COLGALT2: variants seen among roughly 807,000 people sequenced by gnomAD.
The protein encoded by COLGALT2 is procollagen galactosyltransferase 2.
A neutral mutation model predicts 73.4 loss-of-function variants in COLGALT2; 49 were observed. The ratio of observed to expected loss-of-function variants is 0.67; its 90% CI spans 0.53 to 0.85. COLGALT2 has a LOEUF of 0.85. Among genes scored for constraint, COLGALT2 ranks in the 40% least tolerant of loss-of-function variants. COLGALT2 has a pLI of 0.00. For missense variants in COLGALT2, 722 were observed against 790.2 expected (o/e 0.91, Z 1.03); for synonymous variants, 295 against 307.6 (o/e 0.96, Z 0.43).
exon 12 of COLGALT2, chr1:183,930,111 C>T (rs1020613459): frequency 5.2e-5 from 22 of 422,896 alleles, no homozygotes; most frequent in African/African-American, 1.6e-4. Flanking sequence ...AACCAGTCCC[C>T]GGGCCCGATG....
rs10911476 is a variant in COLGALT2 at position 183,974,572 on chromosome 1, A to G, written c.492+525T>C. 6.0e-3 allele frequency among the ~76,000 whole-genome samples: 921 copies of G among 152,332 alleles called. 7 individuals carry two copies. The highest frequency in any genetic ancestry group is 0.019 in the African/African-American group (792 of 41,574). Reference sequence around the variant, plus strand: ...GATTTGTGTCACAAGTGTGCGTGATACATTTTTGGGCAGATTTTCACTGTG... The same window carrying G: ...GATTTGTGTCACAAGTGTGCGTGATGCATTTTTGGGCAGATTTTCACTGTG... On this transcript the variant is annotated intron_variant, in intron 3 of 11. Transcript: ENST00000361927.
At chr1:184,019,623 A>C (rs1019164392) in intron 1 of COLGALT2, among the ~76,000 whole-genome samples, 1 of 152,230 alleles carries the variant, frequency 6.6e-6, no homozygotes, top group Non-Finnish European at 1.5e-5. Flanking sequence ...TTTTCAGAGG[A>C]ATAACACTCC....
At chr1:183,939,356 C>G (rs1026216139) in intron 11 of COLGALT2, among the ~76,000 whole-genome samples, 1 of 152,170 alleles carries the variant, frequency 6.6e-6, no homozygotes, top group African/African-American at 2.4e-5. Context: ...GATCACTTCA[C>G]CAAAAATGCC....
intron 1 of COLGALT2, among the ~76,000 whole-genome samples, chr1:184,005,838 C>T (rs1051358549): frequency 6.6e-6 from 1 of 152,284 alleles, no homozygotes; most frequent in Admixed American, 6.5e-5. Flanking sequence ...CAACACAAGA[C>T]AGAAAGTGCA....
chr1:183,938,803 C>T lies in COLGALT2; in HGVS notation c.1839G>A (p.Pro613=), dbSNP rs201283338. Residue 613 remains proline, a synonymous_variant, in exon 12 of 12, where the codon CCG becomes CCA. Coordinates refer to ENST00000361927, the MANE Select transcript of COLGALT2 (RefSeq NM_015101.4). ...AAGGCACAGTGTCCAGGGAGGTTGG[C>T]GGTGGCAGGGCCTCTGTGTTCTTGG... ...SNAKNTEALP[P]PTSLDTVPSR... 13 of 1,614,046 alleles carry T rather than the reference C, an allele frequency of 8.1e-6. No individual in the cohort carries two copies. The highest frequency in any genetic ancestry group is 5.5e-5 in the South Asian group (5 of 91,078).
chr1:183,932,809 C>T (rs1669874115), downstream of COLGALT2, among the ~76,000 whole-genome samples: 1 of 152,150 alleles, frequency 6.6e-6, no homozygotes, highest in East Asian at 1.9e-4. Flanking sequence ...GAGAGATCGG[C>T]CACCACACAG....
At chr1:183,963,174 G>A (rs1449732568) in intron 6 of COLGALT2, among the ~76,000 whole-genome samples, 1 of 152,188 alleles carries the variant, frequency 6.6e-6, no homozygotes, top group Non-Finnish European at 1.5e-5. Context: ...CAGACCCAGA[G>A]GCAATAACAA....
At chr1:183,939,655 A>G (rs2996630) in intron 11 of COLGALT2, among the ~76,000 whole-genome samples, 25,188 of 152,228 alleles carry the variant, frequency 0.17, 2,303 homozygotes, top group Admixed American at 0.25. Flanking sequence ...AGTCTCTGAC[A>G]TGTTATATAC....
At chr1:184,015,082 C>T (rs1205892479) in intron 1 of COLGALT2, among the ~76,000 whole-genome samples, 2 of 147,610 alleles carry the variant, frequency 1.4e-5, no homozygotes, top group East Asian at 4.3e-4. Flanking sequence ...TGGGATTGGG[C>T]TTTTTCTAGT....
At position 183,936,431 on chromosome 1, in the gene COLGALT2, G is replaced by A. The variant is rs1198513269; in HGVS notation, c.*2330C>T. On this transcript the variant is annotated 3_prime_UTR_variant, in exon 12 of 12. Transcript: ENST00000361927. ...AGGAGACAGAACTTTCTTCACAGTA[G>A]AACAGTCCTAGTCTAAAATGCTAGA... 1.0e-6 allele frequency: 1 copy of A among 977,138 alleles called. No individual in the cohort carries two copies. Among genetic ancestry groups the A allele is most frequent in the Non-Finnish European group, 1.2e-6 (1 of 826,108 alleles). 60.5% of individuals were successfully genotyped at this position (977,138 alleles called of 1,614,324 possible).
downstream of COLGALT2, among the ~76,000 whole-genome samples, chr1:183,933,379 C>G (rs1041051388): frequency 6.6e-6 from 1 of 152,220 alleles, no homozygotes; most frequent in Non-Finnish European, 1.5e-5. Context: ...CAGGCTTGCA[C>G]CACTCTGTCC....
intron 1 of COLGALT2, among the ~76,000 whole-genome samples, chr1:184,007,332 T>A (rs985335368): frequency 2.6e-5 from 4 of 152,210 alleles, no homozygotes; most frequent in Admixed American, 6.5e-5. Context: ...TCACAAGAGA[T>A]AAACATCTAT....
At chr1:184,003,323 C>G (rs561867409) in intron 1 of COLGALT2, among the ~76,000 whole-genome samples, 1 of 152,236 alleles carries the variant, frequency 6.6e-6, no homozygotes, top group African/African-American at 2.4e-5. Context: ...CAAAAAGACT[C>G]ATGACTGGAG....
At chr1:183,960,231 C>T (rs889458213) in intron 6 of COLGALT2, among the ~76,000 whole-genome samples, 4 of 152,174 alleles carry the variant, frequency 2.6e-5, no homozygotes, top group African/African-American at 9.7e-5. Context: ...TCCACCCTCT[C>T]GAACTTTATT....
chr1:183,938,758 C>G lies in COLGALT2; in HGVS notation c.*3G>C, dbSNP rs111879044. The G allele has an allele frequency of 3.1e-6, 5 of 1,613,816 alleles. No individual in the cohort carries two copies. In the South Asian group the frequency reaches 4.4e-5, roughly 14 times the overall value. On this transcript the variant is annotated 3_prime_UTR_variant, in exon 12 of 12. Transcript: ENST00000361927. ...TGATGTGGGCCACACTCCCAGGGAG[C>G]CTTCATAGCTCATCCCTTGAAGGCA...
At chr1:184,018,792 C>T (rs762089506) in intron 1 of COLGALT2, among the ~76,000 whole-genome samples, 52 of 152,168 alleles carry the variant, frequency 3.4e-4, no homozygotes, top group Non-Finnish European at 1.0e-4. Flanking sequence ...TAGTATGCTG[C>T]AAGATTCTCC....
At chr1:184,017,318 TAG>T (rs1402505540) in intron 1 of COLGALT2, among the ~76,000 whole-genome samples, 1 of 152,238 alleles carries the variant, frequency 6.6e-6, no homozygotes, top group African/African-American at 2.4e-5. Flanking sequence ...TGACAAGGCA[TAG>T]AGAGAATTAA....
chr1:184,022,264 T>A (rs1474687829), intron 1 of COLGALT2, among the ~76,000 whole-genome samples: 3 of 152,314 alleles, frequency 2.0e-5, no homozygotes, highest in African/African-American at 7.2e-5. Context: ...GATCAATCCA[T>A]CAATAAATTA....
chr1:183,966,642 C>T (rs1225495947), intron 5 of COLGALT2, among the ~76,000 whole-genome samples: 1 of 152,220 alleles, frequency 6.6e-6, no homozygotes, highest in Non-Finnish European at 1.5e-5. Flanking sequence ...GCCCATTGCC[C>T]ATATCACTCA....
Sources: allele counts gnomAD v4.1 joint callset (sites outside exome capture counted in the v4.1 genomes callset), GRCh38; gene constraint gnomAD v4.1.1; transcripts MANE v1.5; gene names NCBI Gene and HGNC (gene_info 2026-07-23, HGNC 2026-07-21).